Variants in AQP9 observed in about 807,000 individuals in gnomAD.
AQP9 encodes the protein aquaporin-9.
A neutral mutation model predicts 23.8 loss-of-function variants in AQP9; 19 were observed. The ratio of observed to expected loss-of-function variants is 0.80; its 90% CI spans 0.56 to 1.17. The LOEUF is 1.17. AQP9 is among the 50% of genes most tolerant of loss of function. The pLI is 0.00. For missense variants in AQP9, 413 were observed against 362.0 expected (o/e 1.14, Z -1.14); for synonymous variants, 153 against 131.5 (o/e 1.16, Z -1.12).
intron 2 of AQP9, among the ~76,000 whole-genome samples, chr15:58,171,458 G>A (rs772316135): frequency 6.6e-6 from 1 of 152,094 alleles, no homozygotes; most frequent in African/African-American, 2.4e-5. Context: ...CAAGCCTCTG[G>A]GAGAAGAGAA....
At chr15:58,153,150 A>C (rs763408514) in intron 1 of AQP9, 10 of 152,128 alleles carry the variant, frequency 6.6e-5, no homozygotes, top group Non-Finnish European at 1.5e-4. Context: ...GCTTTATTTT[A>C]GCTATAGCAT....
At chr15:58,144,436 G>A (rs1898003792) in intron 1 of AQP9, among the ~76,000 whole-genome samples, 2 of 152,164 alleles carry the variant, frequency 1.3e-5, no homozygotes, top group South Asian at 4.1e-4. Context: ...ACACGCATAT[G>A]TGGTTCTATG....
At chr15:58,149,226 T>G (rs1451100067) in intron 1 of AQP9, among the ~76,000 whole-genome samples, 1 of 136,246 alleles carries the variant, frequency 7.3e-6, no homozygotes, top group African/African-American at 2.7e-5. Context: ...GGCTCCAGAT[T>G]CAGAAACTGT....
chr15:58,140,539 G>A (rs577441538), intron 1 of AQP9, among the ~76,000 whole-genome samples: 227 of 152,280 alleles, frequency 1.5e-3, no homozygotes, highest in Non-Finnish European at 2.5e-3. Context: ...AGCTTGTGGG[G>A]ATGTATAAAC....
rs956255739 is a variant in AQP9, at chr15:58,138,420, G to A, written c.-146G>A. 3 of 590,420 alleles carry A rather than the reference G, an allele frequency of 5.1e-6. No homozygotes were observed. The highest frequency in any genetic ancestry group is 9.0e-6 in the Non-Finnish European group (3 of 331,644). 36.6% of individuals were successfully genotyped at this position (590,420 alleles called of 1,614,324 possible). ...TTAAGCCACAGCCTCTAATTGGAAC[G>A]GCATTTGTACAGTCAGAGACTCTTA... On this transcript the variant is annotated 5_prime_UTR_variant, in exon 1 of 6. Transcript: ENST00000219919.
chr15:58,179,495 T>C (rs1595747226), intron 5 of AQP9, 150 bp downstream of exon 5: 2 of 655,128 alleles, frequency 3.1e-6, no homozygotes, highest in East Asian at 5.6e-5. Context: ...ATTTCACTGG[T>C]ATTTTGTGGT....
chr15:58,172,262 T>C (rs1186041715), intron 2 of AQP9, among the ~76,000 whole-genome samples: 5 of 152,226 alleles, frequency 3.3e-5, no homozygotes, highest in Non-Finnish European at 5.9e-5. Context: ...CATTGGGTTC[T>C]TAAGAGGATC....
At chr15:58,161,062 T>TG (rs2140609597) in intron 1 of AQP9, among the ~76,000 whole-genome samples, 1 of 152,272 alleles carries the variant, frequency 6.6e-6, no homozygotes, top group Admixed American at 6.5e-5. Flanking sequence ...TTGAGGACTC[T>TG]GGGCTGACAT....
chr15:58,165,647 T>G (rs2140616298), intron 1 of AQP9, among the ~76,000 whole-genome samples: 1 of 152,270 alleles, frequency 6.6e-6, no homozygotes, highest in South Asian at 2.1e-4. Flanking sequence ...ATGGATCTCC[T>G]TTATTCTATT....
Position 58,138,474 on chromosome 15 carries a change from T to C in AQP9, c.-92T>C, listed in dbSNP as rs757230089. On this transcript the variant is annotated 5_prime_UTR_variant, in exon 1 of 6. Transcript: ENST00000219919. ...GACATCTCCAGGAATCTGTGAGCCA[T>C]TGTCAAAACGTCCATTTTCATCTGG... 4 of 949,730 alleles carry C rather than the reference T, an allele frequency of 4.2e-6. No individual in the cohort carries two copies. In the South Asian group the frequency reaches 4.6e-5, roughly 11 times the overall value. The allele number at this position is 949,730 out of a possible 1,614,324, so 58.8% of individuals were successfully genotyped here.
intron 1 of AQP9, among the ~76,000 whole-genome samples, chr15:58,142,286 G>C (rs1897964980): frequency 6.6e-6 from 1 of 152,194 alleles, no homozygotes; most frequent in South Asian, 2.1e-4. Context: ...ACAATTAAGA[G>C]ACTTATCAGC....
intron 1 of AQP9, among the ~76,000 whole-genome samples, chr15:58,163,342 T>A (rs182511567): frequency 2.5e-4 from 38 of 152,312 alleles, no homozygotes; most frequent in African/African-American, 8.2e-4. Flanking sequence ...TCTGTAGGCC[T>A]GCAGAGGAGG....
chr15:58,138,710 A>G, intron 1 of AQP9, 34 bp downstream of exon 1: 1 of 1,576,082 alleles, frequency 6.3e-7, no homozygotes, highest in Non-Finnish European at 8.7e-7. Flanking sequence ...ATTCAGACCC[A>G]ATAATGCCTC....
At position 58,158,319 on chromosome 15, in the gene AQP9, G is replaced by A. The variant is rs147788041; in HGVS notation, c.112-8354G>A. Among the ~76,000 whole-genome samples the A allele has an allele frequency of 4.4e-3, 673 of 152,184 alleles. 7 individuals are homozygous for A. The highest frequency in any genetic ancestry group is 0.015 in the African/African-American group (617 of 41,512). Reference sequence around the variant, plus strand: ...TCCAGTGTGTGACGGCTAAAAGTTCGGGCCTCTGACTAAAACAGACCTGTG... The same window carrying A: ...TCCAGTGTGTGACGGCTAAAAGTTCAGGCCTCTGACTAAAACAGACCTGTG... On this transcript the variant is annotated intron_variant, in intron 1 of 5. Coordinates refer to ENST00000219919, the MANE Select transcript of AQP9 (RefSeq NM_020980.5).
intron 3 of AQP9, among the ~76,000 whole-genome samples, chr15:58,173,493 T>C (rs931345363): frequency 1.3e-5 from 2 of 152,148 alleles, no homozygotes; most frequent in African/African-American, 4.8e-5. Flanking sequence ...AGTAGGCCAG[T>C]GGCTTCCCCA....
chr15:58,154,223 A>G (rs1898203140), intron 1 of AQP9: 1 of 152,158 alleles, frequency 6.6e-6, no homozygotes, highest in Admixed American at 6.6e-5. Context: ...TTACAAGCCA[A>G]AATCTGGCCT....
intron 1 of AQP9, among the ~76,000 whole-genome samples, chr15:58,144,588 G>T (rs1204322239): frequency 6.6e-6 from 1 of 152,094 alleles, no homozygotes; most frequent in Non-Finnish European, 1.5e-5. Flanking sequence ...CTCATGAAAT[G>T]AATCAAAATT....
At chr15:58,171,244 C>A (rs541695962) in intron 2 of AQP9, among the ~76,000 whole-genome samples, 1 of 152,092 alleles carries the variant, frequency 6.6e-6, no homozygotes, top group Non-Finnish European at 1.5e-5. Context: ...CCTGCCACCA[C>A]GCCCAGCTAA....
rs1898726859 is a variant in AQP9 at position 58,175,340 on chromosome 15, G to A, written c.495+304G>A. Reference sequence around the variant, plus strand: ...CACAAATGGACTTCACTTCACTATTGACTCTTTTGAACAAGTGGTCTAAGT... The same window carrying A: ...CACAAATGGACTTCACTTCACTATTAACTCTTTTGAACAAGTGGTCTAAGT... On this transcript the variant is annotated intron_variant, in intron 4 of 5. Transcript: ENST00000219919. 2.0e-5 allele frequency among the ~76,000 whole-genome samples: 3 copies of A among 152,228 alleles called. No individual in the cohort carries two copies. The South Asian group carries it at 6.2e-4, about 32-fold the overall frequency.
Sources: gnomAD v4.1 joint callset for allele counts (sites outside exome capture counted in the v4.1 genomes callset) on GRCh38, gnomAD v4.1.1 for gene constraint, MANE v1.5 for transcripts, NCBI Gene and HGNC (gene_info 2026-07-23, HGNC 2026-07-21) for gene names.